Variants in GRIN3A observed in about 807,000 individuals in gnomAD.
The protein encoded by GRIN3A is glutamate receptor ionotropic, NMDA 3A.
Under a neutral mutation model 92.4 loss-of-function variants are expected in GRIN3A, and 47 were observed. That is an observed-to-expected ratio of 0.51 (90% CI 0.40 to 0.65). The LOEUF (loss-of-function observed/expected upper bound fraction) is 0.65, where lower values mean the gene tolerates loss of function less well. Among genes scored for constraint, GRIN3A ranks in the 30% least tolerant of loss-of-function variants. The pLI is 0.00. For synonymous variants in GRIN3A, 527 were observed against 540.6 expected (o/e 0.97, Z 0.35); for missense variants, 1,324 against 1,393.1 (o/e 0.95, Z 0.79).
rs1419627748 is a variant in GRIN3A, at chr9:101,571,041, A to G, written c.*2133T>C. 1 of 152,244 alleles carries G rather than the reference A, an allele frequency of 6.6e-6. No individual in the cohort carries two copies. The highest frequency in any genetic ancestry group is 2.4e-5 in the African/African-American group (1 of 41,428). 9.4% of individuals were successfully genotyped at this position (152,244 alleles called of 1,614,324 possible). On this transcript the variant is annotated 3_prime_UTR_variant, in exon 9 of 9. Coordinates refer to ENST00000361820, the MANE Select transcript of GRIN3A (RefSeq NM_133445.3). Reference sequence around the variant, plus strand: ...TGGTGGCAGAGTCTCCAGCATTCTTAGCTGGTACAAGTGGGTGGGGATGGC... The same window carrying G: ...TGGTGGCAGAGTCTCCAGCATTCTTGGCTGGTACAAGTGGGTGGGGATGGC...
In GRIN3A at chr9:101,619,985, T is replaced by C. The variant is rs192467864; in HGVS notation, c.2614+3333A>G. On this transcript the variant is annotated intron_variant, in intron 5 of 8. Transcript: ENST00000361820. ...TGCTTTGCTATATACTGCGTACCGA[T>C]GAGTACTCATGAAAGGGTTTCAAAC... Among the ~76,000 whole-genome samples the C allele has an allele frequency of 8.2e-4, 125 of 152,352 alleles. 1 individual carries two copies. The highest frequency in any genetic ancestry group is 2.8e-3 in the African/African-American group (117 of 41,578).
At chr9:101,719,398 AAC>A (rs916572258) in intron 1 of GRIN3A, among the ~76,000 whole-genome samples, 10 of 149,850 alleles carry the variant, frequency 6.7e-5, no homozygotes, top group African/African-American at 2.2e-4. Flanking sequence ...CAGCCCAGGC[AAC>A]AGTGTGAGAC....
intron 1 of GRIN3A, among the ~76,000 whole-genome samples, chr9:101,707,442 A>T (rs185700503): frequency 9.2e-5 from 14 of 152,306 alleles, no homozygotes; most frequent in African/African-American, 2.9e-4. Context: ...TACATTTGGC[A>T]CAGTCAAGAA....
intron 3 of GRIN3A, among the ~76,000 whole-genome samples, chr9:101,650,092 T>C (rs1828995160): frequency 6.6e-6 from 1 of 152,054 alleles, no homozygotes; most frequent in Non-Finnish European, 1.5e-5. Flanking sequence ...TACTTACCTG[T>C]TTATTTTCAG....
At chr9:101,576,828 T>G (rs1314308303) in intron 8 of GRIN3A, among the ~76,000 whole-genome samples, 1 of 152,100 alleles carries the variant, frequency 6.6e-6, no homozygotes, top group Non-Finnish European at 1.5e-5. Flanking sequence ...ACAAGCTAGA[T>G]GGAGACTGCA....
At chr9:101,680,254 G>A (rs1454741256) in intron 2 of GRIN3A, among the ~76,000 whole-genome samples, 1 of 152,096 alleles carries the variant, frequency 6.6e-6, no homozygotes, top group Non-Finnish European at 1.5e-5. Context: ...AAGTTCTTCT[G>A]GAACTCTGCT....
In GRIN3A at chr9:101,737,502, C is replaced by T. The variant is rs142779054; in HGVS notation, c.478G>A (p.Asp160Asn). The T allele has an allele frequency of 2.4e-5, 38 of 1,614,252 alleles. No homozygotes were observed. The highest frequency in any genetic ancestry group is 1.6e-4 in the Middle Eastern group (1 of 6,062). Reference protein sequence around the residue: ...VVMAIEAGLGDLPLLPFSSPS... With the variant: ...VVMAIEAGLGNLPLLPFSSPS... ...GAGGAGAAGGGCAAAAGTGGCAGAT[C>T]GCCCAGGCCTGCCTCGATGGCCATC... Residue 160 changes from aspartate to asparagine, a missense_variant, in exon 1 of 9, where the codon GAT (aspartate) becomes AAT (asparagine). By Grantham distance (23) the Asp-to-Asn change is conservative (BLOSUM62 1). Transcript: ENST00000361820.
Position 101,670,255 on chromosome 9 carries a change from G to A in GRIN3A, c.2157C>T (p.Ala719=), listed in dbSNP as rs1829299070. 1.9e-6 allele frequency: 3 copies of A among 1,614,052 alleles called. No homozygotes were observed. Among genetic ancestry groups the A allele is most frequent in the Non-Finnish European group, 2.5e-6 (3 of 1,179,970 alleles). ...ACAAGAGGGCATAACAGATGTTCAAGGCTGAAGAAAAGGAGAAGACTTTAC... is the reference window on the plus strand; with the variant it reads ...ACAAGAGGGCATAACAGATGTTCAAAGCTGAAGAAAAGGAGAAGACTTTAC... The part of the protein sequence containing the change: ...NRSKVFSFSS[A]LNICYALLFG... Residue 719 remains alanine (A), a synonymous_variant, in exon 3 of 9, where the codon GCC becomes GCT. Transcript: ENST00000361820.
chr9:101,737,380 G>A lies in GRIN3A; in HGVS notation c.600C>T (p.Pro200=), dbSNP rs1467257915. The change falls in exon 1 of 9, where the codon CCC becomes CCT. Residue 200 remains proline (P), a synonymous_variant. Transcript: ENST00000361820. ...VQGVSALLAF[P]QSQGEMMELD... is the part of the protein sequence containing the mutation. The stretch of plus-strand genomic sequence containing the variant: ...GCTCCATCATTTCGCCCTGGCTCTG[G>A]GGGAAGGCGAGCAGCGCCGACACCC... 1 of 1,614,088 alleles carries A rather than the reference G, an allele frequency of 6.2e-7. No individual in the cohort carries two copies. The highest frequency in any genetic ancestry group is 8.5e-7 in the Non-Finnish European group (1 of 1,180,044).
At chr9:101,627,021 T>C (rs540228787) in intron 4 of GRIN3A, among the ~76,000 whole-genome samples, 3 of 152,302 alleles carry the variant, frequency 2.0e-5, no homozygotes, top group African/African-American at 7.2e-5. Context: ...CAGTAGCTCA[T>C]CTCATCCTTT....
chr9:101,725,384 A>C (rs1830071695), intron 1 of GRIN3A, among the ~76,000 whole-genome samples: 1 of 152,240 alleles, frequency 6.6e-6, no homozygotes, highest in African/African-American at 2.4e-5. Context: ...TGTGACAATA[A>C]GAAGGAAGAA....
intron 2 of GRIN3A, among the ~76,000 whole-genome samples, chr9:101,671,519 CCTT>C (rs532363272): frequency 8.3e-4 from 126 of 152,258 alleles, no homozygotes; most frequent in Non-Finnish European, 5.3e-4. Flanking sequence ...TGTAACTACA[CCTT>C]CTATTTATCT....
intron 8 of GRIN3A, among the ~76,000 whole-genome samples, chr9:101,574,895 C>T (rs1408829166): frequency 1.3e-5 from 2 of 152,174 alleles, no homozygotes; most frequent in African/African-American, 4.8e-5. Context: ...CTCAGGCTTC[C>T]CAGTTGACTA....
intron 6 of GRIN3A, among the ~76,000 whole-genome samples, chr9:101,588,307 C>A (rs1300540102): frequency 6.6e-6 from 1 of 152,070 alleles, no homozygotes; most frequent in Non-Finnish European, 1.5e-5. Flanking sequence ...AACACAAAAT[C>A]CAGGGAGACA....
intron 2 of GRIN3A, among the ~76,000 whole-genome samples, chr9:101,677,892 A>G (rs1330739009): frequency 1.3e-5 from 2 of 152,156 alleles, no homozygotes; most frequent in East Asian, 3.9e-4. Context: ...CTAAAGTAGA[A>G]GAATTTGGCA....
chr9:101,692,611 T>C (rs907680254), intron 1 of GRIN3A, among the ~76,000 whole-genome samples: 1 of 152,164 alleles, frequency 6.6e-6, no homozygotes, highest in African/African-American at 2.4e-5. Context: ...GTGAACATAA[T>C]GTTTCCACTG....
chr9:101,589,886 T>C (rs1363472923), intron 6 of GRIN3A, among the ~76,000 whole-genome samples: 1 of 152,224 alleles, frequency 6.6e-6, no homozygotes, highest in Non-Finnish European at 1.5e-5. Context: ...TGTAACTATG[T>C]TAATTTTTCT....
intron 2 of GRIN3A, among the ~76,000 whole-genome samples, chr9:101,676,309 C>A (rs953429472): frequency 2.6e-5 from 4 of 151,686 alleles, no homozygotes; most frequent in African/African-American, 7.2e-5. Context: ...ATTACCTTTT[C>A]TTTTTCCCCC....
At chr9:101,668,886 G>A (rs1174122863) in intron 3 of GRIN3A, among the ~76,000 whole-genome samples, 1 of 152,088 alleles carries the variant, frequency 6.6e-6, no homozygotes, top group Non-Finnish European at 1.5e-5. Context: ...AGCTACAAAT[G>A]TCCTACTTGT....
Sources: allele counts gnomAD v4.1 joint callset (sites outside exome capture counted in the v4.1 genomes callset), GRCh38; gene constraint gnomAD v4.1.1; transcripts MANE v1.5; gene names NCBI Gene and HGNC (gene_info 2026-07-23, HGNC 2026-07-21).